PRPH2: variants seen among roughly 807,000 people sequenced by gnomAD.
The protein encoded by PRPH2 is peripherin 2.
In PRPH2, 17 loss-of-function variants were observed where a neutral mutation model predicts 31.3. That is an observed-to-expected ratio of 0.54 (90% CI 0.37 to 0.81). The LOEUF is 0.81. Ranked by LOEUF, PRPH2 falls within the 40% of genes least tolerant of loss-of-function variation. The pLI is 0.00. For synonymous variants in PRPH2, 165 were observed against 184.4 expected, an observed-to-expected ratio of 0.89 and a Z score of 0.85; for missense variants, 430 against 439.7, an observed-to-expected ratio of 0.98 and a Z score of 0.20.
At chr6:42,716,315 C>T (rs1484092175) in intron 1 of PRPH2, among the ~76,000 whole-genome samples, 1 of 151,786 alleles carries the variant, frequency 6.6e-6, no homozygotes, top group Non-Finnish European at 1.5e-5. Context: ...ATCCCAGGTA[C>T]TCTGGAGGCT....
At chr6:42,718,669 G>T (rs1761835502) in intron 1 of PRPH2, among the ~76,000 whole-genome samples, 1 of 151,278 alleles carries the variant, frequency 6.6e-6, no homozygotes, top group Non-Finnish European at 1.5e-5. Context: ...TTTTTTCTGA[G>T]ATAGGGTCTT....
chr6:42,720,347 G>A (rs943902034), intron 1 of PRPH2, among the ~76,000 whole-genome samples: 6 of 152,046 alleles, frequency 3.9e-5, no homozygotes, highest in African/African-American at 1.4e-4. Context: ...ACAGAGGCTG[G>A]TTCTACCATC....
At chr6:42,721,077 C>G (rs750960458) in intron 1 of PRPH2, among the ~76,000 whole-genome samples, 6 of 152,204 alleles carry the variant, frequency 3.9e-5, no homozygotes, top group Non-Finnish European at 8.8e-5. Flanking sequence ...TGCCAGCTAC[C>G]AGGCAGGGCT....
At chr6:42,708,261 G>T (rs1458760417) in intron 1 of PRPH2, among the ~76,000 whole-genome samples, 1 of 152,186 alleles carries the variant, frequency 6.6e-6, no homozygotes, top group Non-Finnish European at 1.5e-5. Flanking sequence ...GGGCAGGATC[G>T]TGCGGGCCAC....
At chr6:42,706,336 C>T (rs1200823560) in intron 1 of PRPH2, among the ~76,000 whole-genome samples, 1 of 151,292 alleles carries the variant, frequency 6.6e-6, no homozygotes, top group Non-Finnish European at 1.5e-5. Flanking sequence ...ACCCAGGGGG[C>T]GGAGCTTGCA....
At chr6:42,712,954 G>C (rs999388571) in intron 1 of PRPH2, among the ~76,000 whole-genome samples, 3 of 152,038 alleles carry the variant, frequency 2.0e-5, no homozygotes, top group African/African-American at 7.2e-5. Flanking sequence ...GCCTGGCACA[G>C]TGGCTCATGC....
At chr6:42,702,100 C>A (rs1280198317) in intron 2 of PRPH2, among the ~76,000 whole-genome samples, 1 of 151,948 alleles carries the variant, frequency 6.6e-6, no homozygotes, top group African/African-American at 2.4e-5. Flanking sequence ...ATCAGCCAGG[C>A]GTGGTGGTGG....
chr6:42,698,133 C>A lies in PRPH2; in HGVS notation c.*162G>T. The A allele has an allele frequency of 1.0e-6, 1 of 956,936 alleles. No individual in the cohort carries two copies. Among genetic ancestry groups the A allele is most frequent in the African/African-American group, 1.6e-5 (1 of 61,276 alleles). The allele number at this position is 956,936 out of a possible 1,614,324, so 59.3% of individuals were successfully genotyped here. A position where few individuals can be genotyped will look rare whatever the true frequency, so the allele number is the denominator to read the frequency against. On this transcript the variant is annotated 3_prime_UTR_variant, in exon 3 of 3. Transcript: ENST00000230381. Reference sequence around the variant, plus strand: ...TCATTCAACAACTGTGTGTCAAATGCTTTTAGGGACCCTAAACTTAAATTC... The same window carrying A: ...TCATTCAACAACTGTGTGTCAAATGATTTTAGGGACCCTAAACTTAAATTC...
chr6:42,708,825 A>G (rs1800220192), intron 1 of PRPH2, among the ~76,000 whole-genome samples: 1 of 152,220 alleles, frequency 6.6e-6, no homozygotes, highest in Non-Finnish European at 1.5e-5. Flanking sequence ...GCTGGGAGTG[A>G]TAGCAGCTGC....
At chr6:42,699,044 CTTCTTTTTTTTTTTT>C (rs1562420501) in intron 2 of PRPH2, among the ~76,000 whole-genome samples, 7 of 144,742 alleles carry the variant, frequency 4.8e-5, no homozygotes, top group Non-Finnish European at 6.0e-5. Flanking sequence ...ATGTGTGGTA[CTTCTTTTTTTTTTTT>C]TTTTTTTTTT....
Position 42,722,419 on chromosome 6 carries a change from C to A in PRPH2, c.-85G>T, listed in dbSNP as rs929029851. ...GAGCCCAGAGGCGGAGACTTAGGGC[C>A]TTGGGAAAAGTGCAGATGGCCCAAG... On this transcript the variant is annotated 5_prime_UTR_variant, in exon 1 of 3. It adds an upstream start codon to the 5' untranslated region. Transcript: ENST00000230381. This position sits in a 1 kb window ranked among gnomAD's most constrained non-coding sequence, Gnocchi z 4.4. 8 of 1,577,280 alleles carry A rather than the reference C, an allele frequency of 5.1e-6. No homozygotes were observed. Among genetic ancestry groups the A allele is most frequent in the Admixed American group, 3.6e-5 (2 of 55,160 alleles).
chr6:42,715,561 C>T (rs1203586126), intron 1 of PRPH2, among the ~76,000 whole-genome samples: 2 of 152,050 alleles, frequency 1.3e-5, no homozygotes, highest in African/African-American at 4.8e-5. Flanking sequence ...ATCCCAGCTA[C>T]TTGGGTGGCT....
intron 1 of PRPH2, among the ~76,000 whole-genome samples, chr6:42,709,140 C>A (rs1309227265): frequency 6.6e-6 from 1 of 151,670 alleles, no homozygotes; most frequent in Admixed American, 6.6e-5. Flanking sequence ...ACCATCCTGG[C>A]CAACGTGGTG....
In PRPH2 at chr6:42,698,360, G is replaced by C; in HGVS notation, c.976C>G (p.Leu326Val). 6.2e-7 allele frequency: 1 copy of C among 1,613,908 alleles called. No homozygotes were observed. Among genetic ancestry groups the C allele is most frequent in the Non-Finnish European group, 8.5e-7 (1 of 1,179,838 alleles). ...GCTTCCACCTGGTTGCCCTTGCCCA[G>C]CTTCTTCACACTCTCCAGAAAGGCC... ...WKAFLESVKK[L>V]GKGNQVEAEG... The change falls in exon 3 of 3, where the codon CTG becomes GTG. Residue 326 changes from leucine to valine, a missense_variant. Leu to Val is a conservative substitution (Grantham distance 32, BLOSUM62 1). Transcript: ENST00000230381.
rs1242254286 is a variant in PRPH2, at chr6:42,704,451, G to A, written c.742C>T (p.Arg248Cys). The A allele has an allele frequency of 1.2e-6, 2 of 1,612,908 alleles. No homozygotes were observed. Among genetic ancestry groups the A allele is most frequent in the Non-Finnish European group, 1.7e-6 (2 of 1,179,528 alleles). Residue 248 changes from arginine to cysteine, a missense_variant, in exon 2 of 3, where the codon CGT (arginine) becomes TGT (cysteine). Coordinates refer to ENST00000230381, the MANE Select transcript of PRPH2 (RefSeq NM_000322.5). ...HQTEELNLWVRGCRAALLSYY... is the reference protein window; with the variant it reads ...HQTEELNLWVCGCRAALLSYY... ...CTCAGCAGGGCAGCCCTGCAGCCAC[G>A]CACCCACAGGTTGAGCTCCTCCGTC...
intron 1 of PRPH2, among the ~76,000 whole-genome samples, chr6:42,718,223 A>T (rs1462597241): frequency 4.0e-5 from 6 of 151,554 alleles, no homozygotes; most frequent in Admixed American, 4.0e-4. Flanking sequence ...AGGTGGGAGA[A>T]TCACTTGAGC....
chr6:42,719,810 C>G (rs1287013138), intron 1 of PRPH2, among the ~76,000 whole-genome samples: 2 of 152,004 alleles, frequency 1.3e-5, no homozygotes, highest in African/African-American at 4.8e-5. Context: ...CTCAGGTGAT[C>G]CGCCCGCCTC....
chr6:42,698,198 G>A lies in PRPH2; in HGVS notation c.*97C>T. 3 of 1,530,238 alleles carry A rather than the reference G, an allele frequency of 2.0e-6. No individual in the cohort carries two copies. The highest frequency in any genetic ancestry group is 2.7e-6 in the Non-Finnish European group (3 of 1,120,100). 94.8% of individuals were successfully genotyped at this position (1,530,238 alleles called of 1,614,324 possible). ...GTCTCTGTAAGATGGTGCCCTCCTTGGGAGATTCAGACTTTCGGAGTTGGA... is the reference window on the plus strand; with the variant it reads ...GTCTCTGTAAGATGGTGCCCTCCTTAGGAGATTCAGACTTTCGGAGTTGGA... On this transcript the variant is annotated 3_prime_UTR_variant, in exon 3 of 3. Transcript: ENST00000230381.
rs1415993970 is a variant in PRPH2, at chr6:42,715,191, G to A, written c.581+6563C>T. Among the ~76,000 whole-genome samples the A allele has an allele frequency of 8.0e-5, 12 of 150,132 alleles. 1 individual carries two copies. Among genetic ancestry groups the A allele is most frequent in the African/African-American group, 2.2e-4 (9 of 40,796 alleles). The stretch of plus-strand genomic sequence containing the variant: ...GCCACTGCACTCCAGCCTGGGTGAC[G>A]GGGCAAGACTCTGTCTCAAAAAAAC... On this transcript the variant is annotated intron_variant, in intron 1 of 2. Coordinates refer to ENST00000230381, the MANE Select transcript of PRPH2 (RefSeq NM_000322.5).
Sources: allele counts gnomAD v4.1 joint callset (sites outside exome capture counted in the v4.1 genomes callset), GRCh38; gene constraint gnomAD v4.1.1; non-coding constraint Gnocchi (gnomAD v3.1); transcripts MANE v1.5; gene names NCBI Gene and HGNC (gene_info 2026-07-23, HGNC 2026-07-21).